The following SOX5 variants were observed in gnomAD, a reference collection of about 807,000 sequenced individuals.
SOX5 encodes transcription factor SOX-5.
Under a neutral mutation model 92.0 loss-of-function variants are expected in SOX5, and 9 were observed. The observed-to-expected ratio is 0.10, with a 90% CI of 0.06 to 0.17. SOX5 has a LOEUF of 0.17. Ranked by LOEUF, SOX5 falls within the 10% of genes least tolerant of loss-of-function variation. The probability of loss-of-function intolerance (pLI) is 1.00; values close to 1 mark genes in which losing one functional copy is unlikely to be tolerated. For synonymous variants in SOX5, 344 were observed against 336.3 expected (o/e 1.02, Z -0.25); for missense variants, 642 against 944.5 (o/e 0.68, Z 4.20).
chr12:24,419,080 C>A (rs1315872325), intron 1 of SOX5, among the ~76,000 whole-genome samples: 1 of 152,102 alleles, frequency 6.6e-6, no homozygotes, highest in Non-Finnish European at 1.5e-5. Context: ...GATCCCACAC[C>A]TCCGCTAGAG....
At chr12:23,986,723 C>T (rs1226277186) in intron 4 of SOX5, among the ~76,000 whole-genome samples, 2 of 152,084 alleles carry the variant, frequency 1.3e-5, no homozygotes, top group Non-Finnish European at 2.9e-5. Flanking sequence ...GGGGTTGTAC[C>T]AGATTTTCAA....
chr12:24,050,186 G>A (rs1957434387), intron 4 of SOX5, among the ~76,000 whole-genome samples: 1 of 151,186 alleles, frequency 6.6e-6, no homozygotes, highest in Admixed American at 6.6e-5. Context: ...CTTAAAATGT[G>A]GATTTTATAA....
At chr12:23,729,106 A>C (rs1229492400) in intron 6 of SOX5, among the ~76,000 whole-genome samples, 1 of 152,086 alleles carries the variant, frequency 6.6e-6, no homozygotes, top group Non-Finnish European at 1.5e-5. Flanking sequence ...GAAATACAGA[A>C]AGCACACATT....
intron 3 of SOX5, among the ~76,000 whole-genome samples, chr12:23,817,381 A>T (rs2096015535): frequency 1.3e-5 from 2 of 152,220 alleles, no homozygotes; most frequent in South Asian, 4.1e-4. Context: ...AAAATCATAC[A>T]TTATATGTCT....
chr12:24,295,161 T>C (rs1220709987), intron 2 of SOX5, among the ~76,000 whole-genome samples: 1 of 152,080 alleles, frequency 6.6e-6, no homozygotes, highest in Admixed American at 6.5e-5. Flanking sequence ...TGAGTAAATA[T>C]AAGTATATAT....
At chr12:23,956,310 C>G (rs550779351) in intron 4 of SOX5, among the ~76,000 whole-genome samples, 2 of 152,238 alleles carry the variant, frequency 1.3e-5, no homozygotes, top group Admixed American at 1.3e-4. Flanking sequence ...AGGCAGGGAT[C>G]TCCAACCCCC....
At chr12:24,467,366 T>C (rs1944338573) in intron 1 of SOX5, among the ~76,000 whole-genome samples, 1 of 152,266 alleles carries the variant, frequency 6.6e-6, no homozygotes, top group African/African-American at 2.4e-5. Flanking sequence ...TCAGTGCACG[T>C]TACAATGGAG....
intron 10 of SOX5, among the ~76,000 whole-genome samples, chr12:23,563,612 CTG>C (rs1234986260): frequency 6.6e-6 from 1 of 152,174 alleles, no homozygotes; most frequent in African/African-American, 2.4e-5. Context: ...GTTCAAATAT[CTG>C]TAATAAAAAT....
At chr12:24,051,122 T>A (rs547126086) in intron 4 of SOX5, among the ~76,000 whole-genome samples, 2 of 152,158 alleles carry the variant, frequency 1.3e-5, no homozygotes, top group African/African-American at 2.4e-5. Context: ...AAGAGGCCAA[T>A]GAGCATAGAA....
At chr12:24,084,477 A>G (rs1225897702) in intron 4 of SOX5, among the ~76,000 whole-genome samples, 1 of 152,040 alleles carries the variant, frequency 6.6e-6, no homozygotes, top group African/African-American at 2.4e-5. Flanking sequence ...TTGCTCCTTC[A>G]TTATCCTTTA....
intron 4 of SOX5, among the ~76,000 whole-genome samples, chr12:24,159,912 G>A (rs1000039633): frequency 6.2e-4 from 94 of 152,068 alleles, no homozygotes; most frequent in African/African-American, 2.1e-3. Flanking sequence ...AACAGATAAC[G>A]GGAAAAATAT....
At chr12:24,249,379 T>G (rs1939568361) in intron 3 of SOX5, among the ~76,000 whole-genome samples, 1 of 152,176 alleles carries the variant, frequency 6.6e-6, no homozygotes, top group East Asian at 1.9e-4. Context: ...TAGAGAGGAA[T>G]GGGTTCAAAA....
At chr12:24,035,057 G>C (rs12322710) in intron 4 of SOX5, among the ~76,000 whole-genome samples, 42,386 of 151,936 alleles carry the variant, frequency 0.28, 5,970 homozygotes, top group Middle Eastern at 0.41. Flanking sequence ...CTGAAATCAT[G>C]GTTACTTCTT....
At chr12:23,900,723 C>G (rs1185743803) in intron 1 of SOX5, among the ~76,000 whole-genome samples, 1 of 152,100 alleles carries the variant, frequency 6.6e-6, no homozygotes, top group Non-Finnish European at 1.5e-5. Flanking sequence ...TGCCTGTAAT[C>G]CCAGCACTCT....
intron 3 of SOX5, among the ~76,000 whole-genome samples, chr12:23,764,034 A>C (rs1417130409): frequency 6.6e-6 from 1 of 152,076 alleles, no homozygotes; most frequent in Non-Finnish European, 1.5e-5. Flanking sequence ...GGAGATGTGA[A>C]TCAAATTCTA....
intron 3 of SOX5, among the ~76,000 whole-genome samples, chr12:24,232,637 C>A (rs1014618362): frequency 6.6e-6 from 1 of 152,028 alleles, no homozygotes; most frequent in African/African-American, 2.4e-5. Context: ...ATGAGTCAAA[C>A]CTCCTGATTT....
At chr12:24,098,299 T>G (rs1244945360) in intron 4 of SOX5, among the ~76,000 whole-genome samples, 4 of 152,192 alleles carry the variant, frequency 2.6e-5, no homozygotes, top group Non-Finnish European at 5.9e-5. Flanking sequence ...TATTATAAAT[T>G]TCCTGCTCTT....
In SOX5 at chr12:24,153,672, C is replaced by T. The variant is rs557016383; in HGVS notation, c.-2+59671G>A. Among the ~76,000 whole-genome samples the T allele has an allele frequency of 1.6e-4, 25 of 152,172 alleles. No homozygotes were observed. The South Asian group carries it at 4.8e-3, about 29-fold the overall frequency. On this transcript the variant is annotated intron_variant, in intron 4 of 4. Transcript: ENST00000446891. ...GAAATAATGGCAAGAGGTAACTTTA[C>T]ATTAGAACTAAAGTGATTCTGGGAC... is the stretch of plus-strand genomic sequence containing the variant.
chr12:23,970,826 T>TTATATATATATATATATATATATA (rs1279338430), intron 4 of SOX5, among the ~76,000 whole-genome samples: 4 of 25,788 alleles, frequency 1.6e-4, no homozygotes, highest in East Asian at 1.6e-3. Flanking sequence ...ACATGGGACT[T>TTATATATATATATATATATATATA]TATATATATA....
Sources: allele counts gnomAD v4.1 joint callset (sites outside exome capture counted in the v4.1 genomes callset), GRCh38; gene constraint gnomAD v4.1.1; transcripts MANE v1.5; gene names NCBI Gene and HGNC (gene_info 2026-07-23, HGNC 2026-07-21).